Variants in SHBG observed in about 807,000 individuals in gnomAD.
The protein encoded by SHBG is sex hormone-binding globulin.
Under a neutral mutation model 41.9 loss-of-function variants are expected in SHBG, and 37 were observed. The observed-to-expected ratio is 0.88, with a 90% CI of 0.68 to 1.16. The LOEUF (loss-of-function observed/expected upper bound fraction) is 1.16, where lower values mean the gene tolerates loss of function less well. Among genes scored for constraint, SHBG ranks in the 50% most tolerant of loss-of-function variants. The probability of loss-of-function intolerance (pLI) is 0.00; values close to 1 mark genes in which losing one functional copy is unlikely to be tolerated. For missense variants in SHBG, 466 were observed against 499.9 expected (o/e 0.93, Z 0.65); for synonymous variants, 217 against 205.8 (o/e 1.05, Z -0.47).
rs1379978322 is a variant in SHBG at position 7,631,727 on chromosome 17, C to G, written c.694C>G (p.Gln232Glu). 2 of 1,614,016 alleles carry G rather than the reference C, an allele frequency of 1.2e-6. No individual in the cohort carries two copies. Among genetic ancestry groups the G allele is most frequent in the African/African-American group, 2.7e-5 (2 of 74,916 alleles). Reference sequence around the variant, plus strand: ...CGGGATATTTCTCCCTCCAGGGACTCAGGCAGAATTCAATCTCCGAGGTAG... The same window carrying G: ...CGGGATATTTCTCCCTCCAGGGACTGAGGCAGAATTCAATCTCCGAGGTAG... ...NPGIFLPPGT[Q>E]AEFNLRDIPQ... The change falls in exon 5 of 8, where the codon CAG (glutamine) becomes GAG (glutamate). Residue 232 changes from glutamine to glutamate, a missense_variant. By Grantham distance (29) the Gln-to-Glu change is conservative. Coordinates refer to ENST00000380450, the MANE Select transcript of SHBG (RefSeq NM_001040.5).
chr17:7,620,035 G>C (rs2072062081), intron 1 of SHBG, among the ~76,000 whole-genome samples: 1 of 150,078 alleles, frequency 6.7e-6, no homozygotes, highest in Admixed American at 6.7e-5. Context: ...TGGTTACAGT[G>C]AGCTATGATC....
chr17:7,624,841 G>A (rs1168623937), upstream of SHBG, among the ~76,000 whole-genome samples: 1 of 150,358 alleles, frequency 6.7e-6, no homozygotes, highest in Non-Finnish European at 1.5e-5. Flanking sequence ...TTGTAGAGAC[G>A]AGACTTTGCT....
chr17:7,627,030 C>A, upstream of SHBG: 1 of 1,613,990 alleles, frequency 6.2e-7, no homozygotes, highest in Non-Finnish European at 8.5e-7. The surrounding 1 kb of genome is among the most constrained non-coding windows in gnomAD (Gnocchi z 4.8). Flanking sequence ...ATCCCATAGC[C>A]CACCACGCAG....
Position 7,630,472 on chromosome 17 carries a change from C to G in SHBG, c.168C>G (p.Ile56Met), listed in dbSNP as rs371864933. ...HLSNGPGQEPIAVMTFDLTKI... is the reference protein window; with the variant it reads ...HLSNGPGQEPMAVMTFDLTKI... ...GCAATGGCCCAGGACAAGAGCCTAT[C>G]GCTGTCATGACCTTTGACCTCACCA... Residue 56 changes from isoleucine (I) to methionine (M), a missense_variant, in exon 2 of 8, where the codon ATC becomes ATG. Coordinates refer to ENST00000380450, the MANE Select transcript of SHBG (RefSeq NM_001040.5). The surrounding 1 kb of genome is among the most constrained non-coding windows in gnomAD (Gnocchi z 4.6). 2.5e-6 allele frequency: 4 copies of G among 1,614,170 alleles called. No homozygotes were observed. The East Asian group carries it at 6.7e-5, about 27-fold the overall frequency.
rs369851730 is a variant in SHBG, at chr17:7,633,355, C to T, written c.*3C>T. On this transcript the variant is annotated 3_prime_UTR_variant, in exon 8 of 8. Transcript: ENST00000380450. ...ATGGCACTGACGCTTCCCATTAAAG[C>T]TCCACCTAAGAACCCCCTTTGAAAG... 12 of 1,613,280 alleles carry T rather than the reference C, an allele frequency of 7.4e-6. No homozygotes were observed. The highest frequency in any genetic ancestry group is 6.6e-5 in the South Asian group (6 of 90,946).
intron 1 of SHBG, among the ~76,000 whole-genome samples, chr17:7,622,201 T>C (rs2072110752): frequency 6.6e-6 from 1 of 151,674 alleles, no homozygotes; most frequent in Admixed American, 6.6e-5. Flanking sequence ...CTCCACTCTG[T>C]TTCCCTTAGA....
upstream of SHBG, among the ~76,000 whole-genome samples, chr17:7,629,514 T>C (rs1224285422): frequency 6.6e-6 from 1 of 152,130 alleles, no homozygotes; most frequent in Non-Finnish European, 1.5e-5. Flanking sequence ...GGTCCCTTCT[T>C]AATATTCACT....
chr17:7,616,572 C>T (rs532587215), intron 1 of SHBG, among the ~76,000 whole-genome samples: 10 of 150,672 alleles, frequency 6.6e-5, no homozygotes, highest in African/African-American at 2.4e-4. Flanking sequence ...TTGCAGTGAG[C>T]GGAGATCGTG....
At position 7,631,645 on chromosome 17, in the gene SHBG, C is replaced by G. The variant is rs148740302; in HGVS notation, c.612C>G (p.Ala204=). The G allele has an allele frequency of 4.6e-5, 74 of 1,613,998 alleles. No homozygotes were observed. Among genetic ancestry groups the G allele is most frequent in the Non-Finnish European group, 2.2e-5 (26 of 1,180,014 alleles). ...LRRDSWLDKQ[A]EISASAPTSL... ...GGGATTCCTGGCTGGACAAACAGGC[C>G]GAGATCTCAGCATCTGCCCCCACTA... The change falls in exon 5 of 8, where the codon GCC becomes GCG. Residue 204 remains alanine (A), a synonymous_variant. Transcript: ENST00000380450.
upstream of SHBG, chr17:7,626,235 C>T: frequency 3.7e-6 from 2 of 537,382 alleles, no homozygotes; most frequent in Non-Finnish European, 6.6e-6. Context: ...AACACCACAT[C>T]AGGACATGTA....
chr17:7,630,136 A>C lies in SHBG; in HGVS notation c.-37A>C. ...CTGCCTGCCTCTACACATTCTCCCA[A>C]GAGTTGTCTGAGCCGCCGAGTGGAC... is the stretch of plus-strand genomic sequence containing the variant. On this transcript the variant is annotated 5_prime_UTR_variant, in exon 1 of 8. Transcript: ENST00000380450. The surrounding 1 kb of genome is among the most constrained non-coding windows in gnomAD (Gnocchi z 4.6). 1 of 1,550,794 alleles carries C rather than the reference A, an allele frequency of 6.4e-7. No individual in the cohort carries two copies. The highest frequency in any genetic ancestry group is 8.9e-7 in the Non-Finnish European group (1 of 1,123,304).
At chr17:7,630,075 G>A (rs1050321308), upstream of SHBG, 17 of 1,018,380 alleles carry the variant, frequency 1.7e-5, no homozygotes, top group East Asian at 2.4e-5. The surrounding 1 kb of genome is among the most constrained non-coding windows in gnomAD (Gnocchi z 4.6). Flanking sequence ...CCTCCTCCCC[G>A]GGCAACCTTT....
At chr17:7,614,453 T>A in intron 1 of SHBG, 1 of 1,538,154 alleles carries the variant, frequency 6.5e-7, no homozygotes. Context: ...CCGTCTCACC[T>A]TGTAGAAGGC....
At chr17:7,631,086 T>TGCTA in intron 3 of SHBG, 114 bp from the exon 4 acceptor site, 3 of 1,149,072 alleles carry the variant, frequency 2.6e-6, no homozygotes, top group South Asian at 3.2e-5. Context: ...AGGCCAAGGA[T>TGCTA]GCTAGCTGCT....
Position 7,630,390 on chromosome 17 carries a change from CTTTG to C in SHBG, c.112-18_112-15del, listed in dbSNP as rs1159778271. ...CTGTCTCTGACATGTCCCTACTCAG[CTTTG>C]TTTGTTTTCTCTTTCTGATAGAGTG... On this transcript the variant is annotated intron_variant, in intron 1 of 7. Coordinates refer to ENST00000380450, the MANE Select transcript of SHBG (RefSeq NM_001040.5). The surrounding 1 kb of genome is among the most constrained non-coding windows in gnomAD (Gnocchi z 4.6). 3 of 1,609,170 alleles carry C rather than the reference CTTTG, an allele frequency of 1.9e-6. No individual in the cohort carries two copies. The highest frequency in any genetic ancestry group is 2.7e-5 in the African/African-American group (2 of 74,752).
chr17:7,630,455 C>G lies in SHBG; in HGVS notation c.151C>G (p.Pro51Ala). Residue 51 changes from proline (P) to alanine (A), a missense_variant, in exon 2 of 8, where the codon CCA becomes GCA. Coordinates refer to ENST00000380450, the MANE Select transcript of SHBG (RefSeq NM_001040.5). This position sits in a 1 kb window ranked among gnomAD's most constrained non-coding sequence, Gnocchi z 4.6. ...TCCGGCTGTCCACCTCAGCAATGGC[C>G]CAGGACAAGAGCCTATCGCTGTCAT... ...DPPAVHLSNG[P>A]GQEPIAVMTF... 6.2e-7 allele frequency: 1 copy of G among 1,614,162 alleles called. No homozygotes were observed. The highest frequency in any genetic ancestry group is 8.5e-7 in the Non-Finnish European group (1 of 1,180,032).
intron 1 of SHBG, among the ~76,000 whole-genome samples, chr17:7,615,625 C>T (rs546394740): frequency 4.4e-4 from 65 of 147,508 alleles, no homozygotes; most frequent in Non-Finnish European, 4.2e-4. Flanking sequence ...TCGAGACCAG[C>T]GTGGCCAAAA....
At chr17:7,619,583 G>A (rs1382937867) in intron 1 of SHBG, among the ~76,000 whole-genome samples, 1 of 151,624 alleles carries the variant, frequency 6.6e-6, no homozygotes, top group African/African-American at 2.4e-5. Context: ...GCATGCACCT[G>A]TAATCCCAGC....
chr17:7,614,674 G>A (rs892993103), intron 1 of SHBG: 3 of 377,926 alleles, frequency 7.9e-6, no homozygotes, highest in African/African-American at 6.4e-5. Context: ...GCCCCACGGC[G>A]GCCCTGCCAC....
Sources: allele counts gnomAD v4.1 joint callset (sites outside exome capture counted in the v4.1 genomes callset), GRCh38; gene constraint gnomAD v4.1.1; non-coding constraint Gnocchi (gnomAD v3.1); transcripts MANE v1.5; gene names NCBI Gene and HGNC (gene_info 2026-07-23, HGNC 2026-07-21).